KDM4B: variants seen among roughly 807,000 people sequenced by gnomAD.
The protein encoded by KDM4B is lysine-specific demethylase 4B.
In KDM4B, 32 loss-of-function variants were observed where a neutral mutation model predicts 125.2. That is an observed-to-expected ratio of 0.26 (90% CI 0.19 to 0.34). The LOEUF is 0.34. KDM4B is among the 10% of genes least tolerant of loss of function. The pLI is 1.00. For synonymous variants in KDM4B, 721 were observed against 677.9 expected, an observed-to-expected ratio of 1.06 and a Z score of -0.99; for missense variants, 1,190 against 1,577.7, an observed-to-expected ratio of 0.75 and a Z score of 4.16.
At position 5,043,621 on chromosome 19, in the gene KDM4B, T is replaced by G. The variant is rs536087460; in HGVS notation, c.432+2370T>G. ...TCCACCATATCCTGCGTGGGGTTTA[T>G]CAGAGTGGGGTGTCCACCATATCCT... On this transcript the variant is annotated intron_variant, in intron 5 of 22. Transcript: ENST00000159111. Among the ~76,000 whole-genome samples, 5 of 144,524 alleles carry G rather than the reference T, an allele frequency of 3.5e-5. No individual in the cohort carries two copies. In the South Asian group the frequency reaches 6.7e-4, roughly 19 times the overall value. 94.8% of individuals were successfully genotyped at this position (144,524 alleles called of 152,430 possible).
intron 13 of KDM4B, 69 bp downstream of exon 13, chr19:5,132,076 G>A (rs1211415082): frequency 3.4e-6 from 5 of 1,477,532 alleles, no homozygotes; most frequent in East Asian, 4.9e-5. Context: ...TGGAGGGGGG[G>A]CCTGGCTCCC....
chr19:5,003,354 G>A (rs2035452327), intron 1 of KDM4B, among the ~76,000 whole-genome samples: 2 of 152,184 alleles, frequency 1.3e-5, no homozygotes, highest in African/African-American at 2.4e-5. Flanking sequence ...GGTGGCGCAT[G>A]CCTGTAATCC....
At chr19:4,995,481 G>T (rs1001014296) in intron 1 of KDM4B, among the ~76,000 whole-genome samples, 2 of 152,144 alleles carry the variant, frequency 1.3e-5, no homozygotes, top group African/African-American at 4.8e-5. Flanking sequence ...GTTTCTCCAT[G>T]TTGGCCAGGC....
At chr19:5,065,684 G>A (rs2037746335) in intron 6 of KDM4B, among the ~76,000 whole-genome samples, 3 of 152,216 alleles carry the variant, frequency 2.0e-5, no homozygotes, top group African/African-American at 7.2e-5. Flanking sequence ...GGAGGGGAGC[G>A]CCTGCCTGCA....
intron 18 of KDM4B, among the ~76,000 whole-genome samples, chr19:5,139,833 C>T (rs1017067131): frequency 5.3e-5 from 8 of 152,348 alleles, no homozygotes; most frequent in African/African-American, 1.2e-4. Context: ...TGAGGCCCCC[C>T]GTAGATGCGC....
At chr19:5,063,057 G>A (rs1040574772) in intron 6 of KDM4B, among the ~76,000 whole-genome samples, 6 of 151,940 alleles carry the variant, frequency 3.9e-5, no homozygotes, top group Non-Finnish European at 7.4e-5. Flanking sequence ...GCAGTGTGAC[G>A]TGTGCTGTGA....
chr19:5,051,904 T>C (rs2037238031), intron 6 of KDM4B, among the ~76,000 whole-genome samples: 2 of 152,226 alleles, frequency 1.3e-5, no homozygotes, highest in South Asian at 4.1e-4. Context: ...CACCCTCTCC[T>C]GCCTCTGTTT....
At chr19:5,071,465 G>T (rs2037945473) in intron 7 of KDM4B, among the ~76,000 whole-genome samples, 1 of 152,262 alleles carries the variant, frequency 6.6e-6, no homozygotes, top group Non-Finnish European at 1.5e-5. Context: ...TCAGCCAGCA[G>T]TCCGCTTACC....
rs1285024334 is a variant in KDM4B, at chr19:5,034,895, C to T, written c.141+1864C>T. On this transcript the variant is annotated intron_variant, in intron 3 of 22. Coordinates refer to ENST00000159111, the MANE Select transcript of KDM4B (RefSeq NM_015015.3). ...GTGCTGGGGTGCAGTGCTGCGATCACGGCTCACTGCAGCCTTGACCTCCTG... is the reference window on the plus strand; with the variant it reads ...GTGCTGGGGTGCAGTGCTGCGATCATGGCTCACTGCAGCCTTGACCTCCTG... Among the ~76,000 whole-genome samples, 7 of 152,188 alleles carry T rather than the reference C, an allele frequency of 4.6e-5. 1 individual carries two copies. In the South Asian group the frequency reaches 8.3e-4, roughly 18 times the overall value.
intron 9 of KDM4B, among the ~76,000 whole-genome samples, chr19:5,086,198 C>T (rs1422558857): frequency 6.6e-6 from 1 of 152,056 alleles, no homozygotes. Flanking sequence ...CCCTGCCCCC[C>T]CCCACCCCGT....
intron 14 of KDM4B, among the ~76,000 whole-genome samples, chr19:5,135,058 C>T (rs1327012273): frequency 3.9e-5 from 6 of 152,198 alleles, no homozygotes; most frequent in Admixed American, 3.9e-4. Context: ...GGCCACCCAG[C>T]ACCAGGGGCC....
rs112643775 is a variant in KDM4B, at chr19:4,994,039, T to G, written c.-108-22218T>G. On this transcript the variant is annotated intron_variant, in intron 1 of 22. Coordinates refer to ENST00000159111, the MANE Select transcript of KDM4B (RefSeq NM_015015.3). ...CAGCCTGTTTTTTTTTTTTTTTTTT[T>G]TTTGTTATTGTTGTTTTGTCTTTTT... is the stretch of plus-strand genomic sequence containing the variant. Among the ~76,000 whole-genome samples the G allele has an allele frequency of 3.3e-3, 503 of 150,476 alleles. 2 individuals are homozygous for G. The highest frequency in any genetic ancestry group is 0.012 in the African/African-American group (473 of 40,956).
At chr19:5,005,097 C>G (rs1014386465) in intron 1 of KDM4B, among the ~76,000 whole-genome samples, 1 of 152,220 alleles carries the variant, frequency 6.6e-6, no homozygotes, top group Non-Finnish European at 1.5e-5. Context: ...GCTGCTGTCC[C>G]AGGGATCCAG....
intron 7 of KDM4B, chr19:5,076,133 ACCGAGTGACGAGAGCGGCCACACTGC>A: frequency 5.4e-5 from 5 of 93,218 alleles, no homozygotes; most frequent in Non-Finnish European, 8.7e-5. Flanking sequence ...TCTCTCGTTG[ACCGAGTGACGAGAGCGGCCACACTGC>A]ATCCTTTCCC....
chr19:5,086,457 A>G (rs920587773), intron 9 of KDM4B, among the ~76,000 whole-genome samples: 4 of 152,272 alleles, frequency 2.6e-5, no homozygotes, highest in Middle Eastern at 3.4e-3. Flanking sequence ...AATCTCACCC[A>G]CAAATGAGCA....
intron 3 of KDM4B, 131 bp downstream of exon 3, chr19:5,033,162 C>G (rs1599460555): frequency 9.4e-7 from 1 of 1,066,392 alleles, no homozygotes; most frequent in Non-Finnish European, 1.4e-6. Context: ...GGGGCCACTC[C>G]CAGCTCGTTT....
chr19:5,075,229 C>T (rs993567888), intron 7 of KDM4B: 3 of 152,332 alleles, frequency 2.0e-5, no homozygotes, highest in African/African-American at 7.2e-5. Flanking sequence ...AAGTCCCCTC[C>T]CTGAACTGCT....
In KDM4B at chr19:5,148,745, C is replaced by T. The variant is rs925114455; in HGVS notation, c.3022-1613C>T. The stretch of plus-strand genomic sequence containing the variant: ...GTGGCAAAGCGGAGCCTGGCCACGC[C>T]GGGGGTGGAAATCGCTTTCCGGGGT... On this transcript the variant is annotated intron_variant, in intron 21 of 22. Transcript: ENST00000159111. 8.5e-5 allele frequency among the ~76,000 whole-genome samples: 13 copies of T among 152,316 alleles called. No individual in the cohort carries two copies. The East Asian group carries it at 1.4e-3, about 16-fold the overall frequency.
chr19:5,083,918 G>A (rs1426536583), intron 9 of KDM4B, among the ~76,000 whole-genome samples: 1 of 152,222 alleles, frequency 6.6e-6, no homozygotes, highest in Non-Finnish European at 1.5e-5. Flanking sequence ...CACAGGGCCA[G>A]ATCCGGATTC....
Sources: allele counts gnomAD v4.1 joint callset (sites outside exome capture counted in the v4.1 genomes callset), GRCh38; gene constraint gnomAD v4.1.1; transcripts MANE v1.5; gene names NCBI Gene and HGNC (gene_info 2026-07-23, HGNC 2026-07-21).